PSMF1: variants seen among roughly 807,000 people sequenced by gnomAD.
The protein encoded by PSMF1 is proteasome inhibitor subunit 1, also known as proteasome inhibitor PI31 subunit.
In PSMF1, 30 loss-of-function variants were observed where a neutral mutation model predicts 29.3. The observed-to-expected ratio is 1.02, with a 90% CI of 0.77 to 1.39. The LOEUF (loss-of-function observed/expected upper bound fraction) is 1.39, where lower values mean the gene tolerates loss of function less well. Ranked by LOEUF, PSMF1 falls within the 40% of genes most tolerant of loss-of-function variation. PSMF1 has a pLI of 0.00. For synonymous variants in PSMF1, 134 were observed against 139.7 expected (o/e 0.96, Z 0.29); for missense variants, 344 against 357.5 (o/e 0.96, Z 0.31).
rs999187101 is a variant in PSMF1, at chr20:1,166,049, C to G, written c.*969C>G. On this transcript the variant is annotated 3_prime_UTR_variant, in exon 7 of 7. Transcript: ENST00000335877. Reference sequence around the variant, plus strand: ...GAATGATGGTTCAAGGCCATACTTCCCTTGAACCTTGTGTGGTTCTTGCCT... The same window carrying G: ...GAATGATGGTTCAAGGCCATACTTCGCTTGAACCTTGTGTGGTTCTTGCCT... 5.4e-6 allele frequency: 8 copies of G among 1,477,568 alleles called. No homozygotes were observed. The African/African-American group carries it at 9.8e-5, about 18-fold the overall frequency. The allele number at this position is 1,477,568 out of a possible 1,614,324, so 91.5% of individuals were successfully genotyped here. A position where few individuals can be genotyped will look rare whatever the true frequency, so the allele number is the denominator to read the frequency against.
At chr20:1,157,692 G>A (rs553173067) in intron 4 of PSMF1, among the ~76,000 whole-genome samples, 1 of 151,994 alleles carries the variant, frequency 6.6e-6, no homozygotes, top group South Asian at 2.1e-4. Context: ...AGCTGGTATT[G>A]ATGATTGCCT....
In PSMF1 at chr20:1,164,900, C is replaced by A; in HGVS notation, c.765-129C>A. 1.2e-6 allele frequency: 1 copy of A among 832,892 alleles called. No homozygotes were observed. Among genetic ancestry groups the A allele is most frequent in the Non-Finnish European group, 2.0e-6 (1 of 496,288 alleles). The allele number at this position is 832,892 out of a possible 1,614,324, so 51.6% of individuals were successfully genotyped here. On this transcript the variant is annotated intron_variant, in intron 6 of 6. Coordinates refer to ENST00000335877, the MANE Select transcript of PSMF1 (RefSeq NM_006814.5). The surrounding 1 kb of genome is among the most constrained non-coding windows in gnomAD (Gnocchi z 4.1). ...ACCCCGGTTGTCTGGCTCTTGAGTG[C>A]ATGTGTTTAAATTCCTCACACCGCC...
At chr20:1,121,075 G>C (rs1161352361) in intron 1 of PSMF1, among the ~76,000 whole-genome samples, 14 of 151,914 alleles carry the variant, frequency 9.2e-5, no homozygotes, top group Non-Finnish European at 1.5e-4. Context: ...TACACTCAAG[G>C]CTCCAAAATT....
chr20:1,129,349 A>G (rs1357035770), intron 3 of PSMF1, among the ~76,000 whole-genome samples: 2 of 152,086 alleles, frequency 1.3e-5, no homozygotes, highest in Admixed American at 6.5e-5. Flanking sequence ...CCTTAACCGA[A>G]CCTCAGAACT....
At chr20:1,129,976 G>C (rs2086207544) in intron 3 of PSMF1, among the ~76,000 whole-genome samples, 1 of 152,210 alleles carries the variant, frequency 6.6e-6, no homozygotes, top group African/African-American at 2.4e-5. Context: ...AAATACAGTA[G>C]AATATTATTC....
intron 4 of PSMF1, among the ~76,000 whole-genome samples, chr20:1,144,979 G>A (rs944803501): frequency 2.0e-5 from 3 of 152,028 alleles, no homozygotes; most frequent in African/African-American, 7.2e-5. Context: ...TCCGCCTCCC[G>A]GGTTCAAGCA....
chr20:1,147,477 G>A (rs2086468376), intron 4 of PSMF1, among the ~76,000 whole-genome samples: 1 of 152,204 alleles, frequency 6.6e-6, no homozygotes. Flanking sequence ...GCAATGTGGT[G>A]TACAAATTCA....
intron 1 of PSMF1, among the ~76,000 whole-genome samples, chr20:1,121,924 G>C (rs1298799943): frequency 6.6e-6 from 1 of 152,214 alleles, no homozygotes; most frequent in Non-Finnish European, 1.5e-5. Context: ...TGACTTAGGT[G>C]GTTATCGACA....
chr20:1,118,844 GCTT>G lies in PSMF1; in HGVS notation c.75_77del (p.Phe25del). ...ACCTGCAGGCAGGACGCGCTCGTCT[GCTT>G]CTTGCATTGGGAAGTGGTGACACAC... On this transcript the variant is annotated inframe_deletion, in exon 1 of 7. Transcript: ENST00000335877. 6.2e-7 allele frequency: 1 copy of G among 1,613,974 alleles called. No individual in the cohort carries two copies. The highest frequency in any genetic ancestry group is 8.5e-7 in the Non-Finnish European group (1 of 1,179,834).
At chr20:1,115,864 C>G (rs2086006495), upstream of PSMF1, among the ~76,000 whole-genome samples, 1 of 151,878 alleles carries the variant, frequency 6.6e-6, no homozygotes, top group Non-Finnish European at 1.5e-5. Flanking sequence ...TCCCGAATAG[C>G]TGGGATTACA....
intron 4 of PSMF1, among the ~76,000 whole-genome samples, chr20:1,162,128 T>C (rs2086674774): frequency 6.6e-6 from 1 of 152,140 alleles, no homozygotes; most frequent in Non-Finnish European, 1.5e-5. Context: ...CCTGAACCAG[T>C]TGTCATTTCT....
intron 4 of PSMF1, among the ~76,000 whole-genome samples, chr20:1,162,057 G>A (rs2086674111): frequency 6.6e-6 from 1 of 152,166 alleles, no homozygotes; most frequent in African/African-American, 2.4e-5. Context: ...TCCCACTGGT[G>A]CAGGGTATTC....
intron 4 of PSMF1, chr20:1,161,610 C>T (rs2086668253): frequency 3.0e-6 from 2 of 665,584 alleles, no homozygotes; most frequent in African/African-American, 3.6e-5. Context: ...TCCATCCTGG[C>T]CTCATTGTCC....
At chr20:1,154,479 T>C (rs1230329983) in intron 4 of PSMF1, among the ~76,000 whole-genome samples, 6 of 152,240 alleles carry the variant, frequency 3.9e-5, no homozygotes, top group East Asian at 1.9e-4. Context: ...TGTACACATA[T>C]ACTTCTTTGC....
At chr20:1,148,566 G>C (rs1215259160) in intron 4 of PSMF1, among the ~76,000 whole-genome samples, 1 of 152,062 alleles carries the variant, frequency 6.6e-6, no homozygotes, top group Non-Finnish European at 1.5e-5. Context: ...ATTTTTAAAT[G>C]TTCCAAATAG....
chr20:1,166,135 T>C lies in PSMF1; in HGVS notation c.*1055T>C, dbSNP rs2086726819. The C allele has an allele frequency of 6.4e-7, 1 of 1,570,508 alleles. No homozygotes were observed. The highest frequency in any genetic ancestry group is 8.6e-7 in the Non-Finnish European group (1 of 1,157,808). Reference sequence around the variant, plus strand: ...AGAGCACAGGAGCATGGGCTGCCTCTGAGTGTGGTGTTGAACTTCGGGAGG... The same window carrying C: ...AGAGCACAGGAGCATGGGCTGCCTCCGAGTGTGGTGTTGAACTTCGGGAGG... On this transcript the variant is annotated 3_prime_UTR_variant, in exon 7 of 7. Coordinates refer to ENST00000335877, the MANE Select transcript of PSMF1 (RefSeq NM_006814.5).
At chr20:1,119,466 C>T (rs1296996393) in intron 1 of PSMF1, among the ~76,000 whole-genome samples, 1 of 152,122 alleles carries the variant, frequency 6.6e-6, no homozygotes, top group African/African-American at 2.4e-5. Context: ...TACTGAAGGG[C>T]CCAGCATAGT....
intron 4 of PSMF1, chr20:1,160,726 G>T: frequency 2.1e-6 from 1 of 469,842 alleles, no homozygotes; most frequent in South Asian, 1.6e-5. Context: ...GTGGGGATGG[G>T]CCAGAAGGTC....
rs575155162 is a variant in PSMF1, at chr20:1,164,480, C to T, written c.764+4C>T. 283 of 1,614,006 alleles carry T rather than the reference C, an allele frequency of 1.8e-4. 4 individuals carry two copies. The South Asian group carries it at 2.9e-3, about 17-fold the overall frequency. ...CCATTGGGACCAGCCCACCCGGGTACGTAGTCACTCAGGTATGCTGAGAAG... is the reference window on the plus strand; with the variant it reads ...CCATTGGGACCAGCCCACCCGGGTATGTAGTCACTCAGGTATGCTGAGAAG... On this transcript the variant is annotated splice_donor_region_variant and intron_variant, in intron 6 of 6. Coordinates refer to ENST00000335877, the MANE Select transcript of PSMF1 (RefSeq NM_006814.5). This position sits in a 1 kb window ranked among gnomAD's most constrained non-coding sequence, Gnocchi z 4.1.
Sources: gnomAD v4.1 joint callset for allele counts (sites outside exome capture counted in the v4.1 genomes callset) on GRCh38, gnomAD v4.1.1 for gene constraint, Gnocchi (gnomAD v3.1) non-coding constraint, MANE v1.5 for transcripts, NCBI Gene and HGNC (gene_info 2026-07-23, HGNC 2026-07-21) for gene names.